Variants in AAMDC observed in about 807,000 individuals in gnomAD.
The protein encoded by AAMDC is adipogenesis associated Mth938 domain containing.
AAMDC carries 16 observed loss-of-function variants against 15.5 expected under a neutral mutation model. The observed-to-expected ratio is 1.03, with a 90% CI of 0.70 to 1.57. AAMDC has a LOEUF of 1.57. Among genes scored for constraint, AAMDC ranks in the 40% most tolerant of loss-of-function variants. The pLI is 0.00. For missense variants in AAMDC, 141 were observed against 144.9 expected, an observed-to-expected ratio of 0.97 and a Z score of 0.14; for synonymous variants, 51 against 51.6, an observed-to-expected ratio of 0.99 and a Z score of 0.05.
chr11:77,842,621 G>T lies in AAMDC; in HGVS notation c.125G>T (p.Gly42Val). ...CGGACTTGGGATTGGAGAGAAACAG[G>T]AACTGAGGTAAGATATTAGTCTTTG... Reference protein sequence around the residue: ...GSRTWDWRETGTEHSPGVQPA... With the variant: ...GSRTWDWRETVTEHSPGVQPA... The change falls in exon 2 of 4, where the codon GGA (glycine) becomes GTA (valine). Residue 42 changes from glycine to valine, a missense_variant. Transcript: ENST00000393427. The T allele has an allele frequency of 6.2e-7, 1 of 1,613,780 alleles. No individual in the cohort carries two copies. Among genetic ancestry groups the T allele is most frequent in the South Asian group, 1.1e-5 (1 of 90,934 alleles).
In AAMDC at chr11:77,879,534, G is replaced by GC. The variant is rs532271762; in HGVS notation, c.328+2486dup. Among the ~76,000 whole-genome samples the GC allele has an allele frequency of 1.6e-4, 25 of 152,308 alleles. No individual in the cohort carries two copies. The South Asian group carries it at 3.9e-3, about 24-fold the overall frequency. ...CAGTTCCATCTCAAGCCTCAGGGCT[G>GC]CATGTACCACAGACTACTTTATTAG... On this transcript the variant is annotated intron_variant, in intron 5 of 5. Transcript: ENST00000304716.
downstream of AAMDC, among the ~76,000 whole-genome samples, chr11:77,904,201 A>G (rs1318707309): frequency 2.0e-5 from 3 of 152,180 alleles, no homozygotes; most frequent in Non-Finnish European, 4.4e-5. Context: ...CATCCCTTGC[A>G]CAAACTTCTG....
At chr11:77,848,048 G>A (rs1950216919) in intron 2 of AAMDC, among the ~76,000 whole-genome samples, 1 of 152,164 alleles carries the variant, frequency 6.6e-6, no homozygotes, top group Non-Finnish European at 1.5e-5. Context: ...GGGGAGGGTA[G>A]TCTACCGAGT....
intron 5 of AAMDC, chr11:77,900,444 G>A (rs1448579085): frequency 3.8e-6 from 2 of 532,112 alleles, no homozygotes; most frequent in African/African-American, 1.9e-5. Context: ...ACTTTATGAG[G>A]TCACTATCAA....
At chr11:77,851,167 C>CTGG (rs1479288224) in intron 2 of AAMDC, among the ~76,000 whole-genome samples, 1 of 152,040 alleles carries the variant, frequency 6.6e-6, no homozygotes, top group Non-Finnish European at 1.5e-5. Context: ...CTTGGCCAGG[C>CTGG]TGGTCTTGAA....
chr11:77,867,385 G>C (rs1446239540), intron 2 of AAMDC, among the ~76,000 whole-genome samples: 1 of 152,038 alleles, frequency 6.6e-6, no homozygotes, highest in African/African-American at 2.4e-5. Flanking sequence ...TTTCCCACTT[G>C]GGTTTATTCA....
intron 2 of AAMDC, among the ~76,000 whole-genome samples, chr11:77,853,039 A>G (rs1011445889): frequency 6.6e-6 from 1 of 152,212 alleles, no homozygotes; most frequent in African/African-American, 2.4e-5. Context: ...GAAAGTGTAT[A>G]TCCAGGGTAA....
At chr11:77,840,881 G>C (rs1010502195) in intron 1 of AAMDC, 2 of 282,082 alleles carry the variant, frequency 7.1e-6, no homozygotes, top group Non-Finnish European at 6.7e-6. Context: ...CTGTTTATTT[G>C]TGTGTGGGGG....
At chr11:77,845,425 T>C (rs1950103319) in intron 2 of AAMDC, among the ~76,000 whole-genome samples, 1 of 149,314 alleles carries the variant, frequency 6.7e-6, no homozygotes, top group Non-Finnish European at 1.5e-5. Context: ...GAATTTCTTT[T>C]TCTTTTCTTT....
At chr11:77,849,506 G>C (rs536388387) in intron 2 of AAMDC, among the ~76,000 whole-genome samples, 1 of 152,320 alleles carries the variant, frequency 6.6e-6, no homozygotes, top group South Asian at 2.1e-4. Flanking sequence ...TTATTGGCGT[G>C]AGCCACTGCA....
chr11:77,845,447 G>T (rs924351547), intron 2 of AAMDC, among the ~76,000 whole-genome samples: 1 of 151,046 alleles, frequency 6.6e-6, no homozygotes, highest in African/African-American at 2.4e-5. Flanking sequence ...TTTTTGGTGG[G>T]GGGGATAGAC....
At chr11:77,868,245 C>T (rs1344724819) in intron 2 of AAMDC, among the ~76,000 whole-genome samples, 7 of 150,458 alleles carry the variant, frequency 4.7e-5, no homozygotes, top group South Asian at 2.1e-4. Context: ...TTAGTGGAGA[C>T]GGGGTTTCAC....
downstream of AAMDC, chr11:77,903,391 C>G: frequency 1.2e-6 from 2 of 1,601,948 alleles, no homozygotes; most frequent in Admixed American, 1.7e-5. Flanking sequence ...CCAAATCACT[C>G]TGCTTCAAAT....
At chr11:77,876,963 A>G (rs1951613340), downstream of AAMDC, 2 of 703,378 alleles carry the variant, frequency 2.8e-6, no homozygotes, top group Non-Finnish European at 2.6e-6. Context: ...CCAACCCAGC[A>G]GCTGCCATCA....
At chr11:77,869,548 T>A in intron 2 of AAMDC, 174 bp from the exon 3 acceptor site, 1 of 541,482 alleles carries the variant, frequency 1.8e-6, no homozygotes. Flanking sequence ...AACTCCTAGG[T>A]TCAAGGGATC....
At chr11:77,881,413 A>G (rs1423784394) in intron 5 of AAMDC, among the ~76,000 whole-genome samples, 1 of 152,174 alleles carries the variant, frequency 6.6e-6, no homozygotes, top group African/African-American at 2.4e-5. Flanking sequence ...ATTAGGAGAA[A>G]GAAACTGCAA....
chr11:77,900,818 T>C (rs2136438600), downstream of AAMDC: 1 of 586,404 alleles, frequency 1.7e-6, no homozygotes, highest in Non-Finnish European at 3.0e-6. Context: ...ACAGATATAA[T>C]TACACTGAGC....
At position 77,878,661 on chromosome 11, in the gene AAMDC, G is replaced by A. The variant is rs1420718312; in HGVS notation, c.328+1612G>A. On this transcript the variant is annotated intron_variant, in intron 5 of 5. Coordinates refer to the AAMDC transcript ENST00000304716. ...CTGAGGAATAGCATGTAAGCACGTA[G>A]TATAAAAGCTGAAGCTATAGCCACA... is the stretch of plus-strand genomic sequence containing the variant. 1.4e-5 allele frequency: 9 copies of A among 656,272 alleles called. No individual in the cohort carries two copies. The East Asian group carries it at 1.6e-4, about 12-fold the overall frequency. 40.7% of individuals were successfully genotyped at this position (656,272 alleles called of 1,614,324 possible).
At chr11:77,855,852 C>T (rs1041778789) in intron 2 of AAMDC, among the ~76,000 whole-genome samples, 2 of 151,786 alleles carry the variant, frequency 1.3e-5, no homozygotes, top group Non-Finnish European at 2.9e-5. Flanking sequence ...GTAATCCCAG[C>T]ACTTTGGGAG....
Sources: gnomAD v4.1 joint callset for allele counts (sites outside exome capture counted in the v4.1 genomes callset) on GRCh38, gnomAD v4.1.1 for gene constraint, MANE v1.5 for transcripts, NCBI Gene and HGNC (gene_info 2026-07-23, HGNC 2026-07-21) for gene names.